The following HJURP variants were observed in gnomAD, a reference collection of about 807,000 sequenced individuals.
HJURP encodes 14-3-3-associated AKT substrate.
A neutral mutation model predicts 72.0 loss-of-function variants in HJURP; 49 were observed. The ratio of observed to expected loss-of-function variants is 0.68; its 90% CI spans 0.54 to 0.86. HJURP has a LOEUF of 0.86. Among genes scored for constraint, HJURP ranks in the 40% least tolerant of loss-of-function variants. The pLI is 0.00. For synonymous variants in HJURP, 357 were observed against 347.1 expected, an observed-to-expected ratio of 1.03 and a Z score of -0.32; for missense variants, 908 against 936.3, an observed-to-expected ratio of 0.97 and a Z score of 0.39.
In HJURP at chr2:233,841,470, C is replaced by G; in HGVS notation, c.1310G>C (p.Arg437Pro). 6.2e-7 allele frequency: 1 copy of G among 1,614,144 alleles called. No individual in the cohort carries two copies. The highest frequency in any genetic ancestry group is 1.6e-4 in the Middle Eastern group (1 of 6,062). The change falls in exon 8 of 9, where the codon CGA becomes CCA. Residue 437 changes from arginine to proline, a missense_variant. This residue lies in a region of HJURP where 598 missense variants were observed against 619.5 expected (regional missense o/e 0.97). Transcript: ENST00000411486. ...ATATTCCCGATGAAGCTGATCAAAT[C>G]GGATTTCAATCTCCCTCTGACGGTT... ...GENRQREIEI[R>P]FDQLHREYCL...
intron 8 of HJURP, among the ~76,000 whole-genome samples, chr2:233,840,004 C>T (rs941681633): frequency 1.3e-5 from 2 of 152,278 alleles, no homozygotes; most frequent in Middle Eastern, 3.4e-3. Flanking sequence ...CCCACCCCAC[C>T]CCACTGTCTC....
intron 6 of HJURP, 125 bp from the exon 7 acceptor site, chr2:233,844,408 A>G: frequency 5.5e-6 from 4 of 727,930 alleles, no homozygotes; most frequent in African/African-American, 1.7e-5. Context: ...AAGCGTGTGA[A>G]TGTGGTGACA....
In HJURP at chr2:233,840,722, T is replaced by C; in HGVS notation, c.2058A>G (p.Ser686=). 1 of 1,614,102 alleles carries C rather than the reference T, an allele frequency of 6.2e-7. No homozygotes were observed. The stretch of plus-strand genomic sequence containing the variant: ...CCTGGCGTCCGGAGCCCTGGGGTTC[T>C]GATAGCCTGGGTCTTTTTGCAGGGA... ...HQFPAKRPRL[S]EPQGSGRQGN... is the part of the protein sequence containing the mutation. Residue 686 remains serine, a synonymous_variant, in exon 8 of 9, where the codon TCA becomes TCG. Coordinates refer to ENST00000411486, the MANE Select transcript of HJURP (RefSeq NM_018410.5).
At position 233,852,244 on chromosome 2, in the gene HJURP, C is replaced by T. The variant is rs555286819; in HGVS notation, c.240+321G>A. Among the ~76,000 whole-genome samples the T allele has an allele frequency of 1.8e-3, 267 of 152,276 alleles. 2 individuals are homozygous for T. The highest frequency in any genetic ancestry group is 6.0e-3 in the African/African-American group (251 of 41,552). ...AAGGACCCAAACAAAGTGAGTGCCT[C>T]GCTGGGCTGGCACGTGACCTTGGGG... is the stretch of plus-strand genomic sequence containing the variant. On this transcript the variant is annotated intron_variant, in intron 3 of 8. Transcript: ENST00000411486.
intron 4 of HJURP, among the ~76,000 whole-genome samples, chr2:233,849,091 G>A (rs1172571438): frequency 6.6e-6 from 1 of 152,222 alleles, no homozygotes; most frequent in East Asian, 1.9e-4. Context: ...AGATGGAGCC[G>A]AAAGGAGTCG....
chr2:233,854,020 C>T (rs979049221), intron 1 of HJURP, 110 bp from the exon 2 acceptor site: 15 of 932,104 alleles, frequency 1.6e-5, no homozygotes, highest in Non-Finnish European at 2.5e-5. Flanking sequence ...CCTGGGGCGC[C>T]CCAAACGCGG....
rs1285856141 is a variant in HJURP at position 233,842,918 on chromosome 2, G to A, written c.575-713C>T. Reference sequence around the variant, plus strand: ...ATGGCATCAGGGCAGGGGTGAAGAAGTGCTCAAAAACGCATGTCGTTGCAC... The same window carrying A: ...ATGGCATCAGGGCAGGGGTGAAGAAATGCTCAAAAACGCATGTCGTTGCAC... On this transcript the variant is annotated intron_variant, in intron 7 of 8. Coordinates refer to ENST00000411486, the MANE Select transcript of HJURP (RefSeq NM_018410.5). Among the ~76,000 whole-genome samples the A allele has an allele frequency of 5.3e-5, 8 of 152,184 alleles. No individual in the cohort carries two copies. In the East Asian group the frequency reaches 1.2e-3, roughly 22 times the overall value.
At chr2:233,843,611 G>A (rs1393576482) in intron 7 of HJURP, among the ~76,000 whole-genome samples, 1 of 152,152 alleles carries the variant, frequency 6.6e-6, no homozygotes, top group African/African-American at 2.4e-5. Context: ...AAAATGCCAA[G>A]GAGCCGCTCT....
intron 2 of HJURP, among the ~76,000 whole-genome samples, chr2:233,853,198 G>A (rs1705537349): frequency 1.3e-5 from 2 of 152,178 alleles, no homozygotes; most frequent in African/African-American, 4.8e-5. Flanking sequence ...CATAGAACTT[G>A]CTCTGAGGTT....
At chr2:233,838,103 T>C (rs1005398579) in intron 8 of HJURP, among the ~76,000 whole-genome samples, 1 of 152,232 alleles carries the variant, frequency 6.6e-6, no homozygotes, top group African/African-American at 2.4e-5. Flanking sequence ...ACGTTAGGCA[T>C]GAAAACTCCA....
chr2:233,844,309 G>GA (rs773824039), intron 6 of HJURP, 26 bp from the exon 7 acceptor site: 3 of 1,605,780 alleles, frequency 1.9e-6, no homozygotes, highest in Non-Finnish European at 2.6e-6. Context: ...GTGGTTACAA[G>GA]AAAAAAGTTG....
chr2:233,839,421 G>A (rs1705160813), intron 8 of HJURP, among the ~76,000 whole-genome samples: 1 of 152,256 alleles, frequency 6.6e-6, no homozygotes, highest in African/African-American at 2.4e-5. Context: ...CCCTGGAAGG[G>A]AAGGGCTGTC....
chr2:233,848,558 A>T (rs1350097534), intron 4 of HJURP, among the ~76,000 whole-genome samples: 3 of 152,216 alleles, frequency 2.0e-5, no homozygotes, highest in Non-Finnish European at 2.9e-5. Context: ...TGCCTTGGCC[A>T]TGAGGAATGA....
intron 7 of HJURP, among the ~76,000 whole-genome samples, chr2:233,842,581 T>G (rs1395305102): frequency 1.9e-5 from 2 of 105,764 alleles, no homozygotes; most frequent in Non-Finnish European, 3.6e-5. Context: ...ATGTAAATGT[T>G]TCCTATATTT....
intron 8 of HJURP, among the ~76,000 whole-genome samples, chr2:233,838,080 A>G (rs919849146): frequency 4.6e-5 from 7 of 152,256 alleles, no homozygotes; most frequent in Non-Finnish European, 8.8e-5. Flanking sequence ...CCTGGCACAC[A>G]GAGAGCACTC....
intron 8 of HJURP, among the ~76,000 whole-genome samples, chr2:233,839,325 C>T (rs1277052816): frequency 6.6e-6 from 1 of 152,200 alleles, no homozygotes; most frequent in Non-Finnish European, 1.5e-5. Context: ...GAGCAGGCAG[C>T]TGAGCGGTGG....
At chr2:233,840,060 C>T (rs1029414520) in intron 8 of HJURP, among the ~76,000 whole-genome samples, 4 of 149,974 alleles carry the variant, frequency 2.7e-5, no homozygotes, top group Admixed American at 1.3e-4. Context: ...TGACATGATT[C>T]GCACAAATTA....
chr2:233,848,541 A>G (rs1415838954), intron 4 of HJURP, among the ~76,000 whole-genome samples: 1 of 152,188 alleles, frequency 6.6e-6, no homozygotes, highest in Non-Finnish European at 1.5e-5. Flanking sequence ...AAGGCACAGG[A>G]CAGGGATGCC....
intron 8 of HJURP, among the ~76,000 whole-genome samples, chr2:233,839,025 T>C (rs562609788): frequency 7.4e-4 from 113 of 152,336 alleles, no homozygotes; most frequent in Non-Finnish European, 1.3e-3. Context: ...GCTGGGGCCC[T>C]GCAGAGAAAA....
Sources: gnomAD v4.1 joint callset for allele counts (sites outside exome capture counted in the v4.1 genomes callset) on GRCh38, gnomAD v4.1.1 for gene constraint, gnomAD v4.1.1 regional missense constraint, MANE v1.5 for transcripts, NCBI Gene and HGNC (gene_info 2026-07-23, HGNC 2026-07-21) for gene names.